The following RAD51B variants were observed in gnomAD, a reference collection of about 807,000 sequenced individuals.
The protein encoded by RAD51B is RAD51 paralog B.
RAD51B carries 38 observed loss-of-function variants against 42.2 expected under a neutral mutation model. The ratio of observed to expected loss-of-function variants is 0.90; its 90% CI spans 0.70 to 1.18. The LOEUF (loss-of-function observed/expected upper bound fraction) is 1.18. RAD51B is among the 50% of genes most tolerant of loss of function. The pLI, the probability that RAD51B is intolerant of heterozygous loss-of-function variation, is 0.00. For missense variants in RAD51B, 373 were observed against 400.7 expected (o/e 0.93, Z 0.59); for synonymous variants, 154 against 145.2 (o/e 1.06, Z -0.43).
At chr14:68,615,788 T>G (rs2140111836), downstream of RAD51B, among the ~76,000 whole-genome samples, 1 of 152,358 alleles carries the variant, frequency 6.6e-6, no homozygotes, top group South Asian at 2.1e-4. Flanking sequence ...TTTTTCATTC[T>G]TTTACTTTTA....
chr14:68,082,472 G>GAT (rs35806526), intron 7 of RAD51B, among the ~76,000 whole-genome samples: 38,498 of 149,216 alleles, frequency 0.26, 6,280 homozygotes, highest in African/African-American at 0.47. Context: ...ATAGGAGAAA[G>GAT]ATATATATAT....
At chr14:68,524,613 CTGAGT>C (rs1355043124) in intron 10 of RAD51B, among the ~76,000 whole-genome samples, 2 of 152,318 alleles carry the variant, frequency 1.3e-5, no homozygotes, top group South Asian at 2.1e-4. Flanking sequence ...GATTTTAGAA[CTGAGT>C]TAACTCACGT....
chr14:68,499,875 T>C (rs1052185601), intron 10 of RAD51B, among the ~76,000 whole-genome samples: 1 of 152,190 alleles, frequency 6.6e-6, no homozygotes, highest in African/African-American at 2.4e-5. Context: ...GCCAGGACTA[T>C]AGAGAATACA....
chr14:67,969,569 G>A (rs2074856793), intron 7 of RAD51B, among the ~76,000 whole-genome samples: 1 of 152,072 alleles, frequency 6.6e-6, no homozygotes, highest in African/African-American at 2.4e-5. Context: ...TAAGATGAGG[G>A]CATTAGGTGA....
Position 67,961,712 on chromosome 14 carries a change from TTTCTC to T in RAD51B, c.756+74509_756+74513del, listed in dbSNP as rs1446600342. Among the ~76,000 whole-genome samples, 4 of 152,320 alleles carry T rather than the reference TTTCTC, an allele frequency of 2.6e-5. No homozygotes were observed. The East Asian group carries it at 7.7e-4, about 29-fold the overall frequency. On this transcript the variant is annotated intron_variant, in intron 7 of 10. Transcript: ENST00000471583. ...TTAGACAAATCATTTCATCTCTTCT[TTTCTC>T]AGTATTTTTTTTTCTGGAAATCTAC...
At chr14:68,111,910 G>A (rs1480720706) in intron 7 of RAD51B, among the ~76,000 whole-genome samples, 1 of 152,072 alleles carries the variant, frequency 6.6e-6, no homozygotes, top group Non-Finnish European at 1.5e-5. Flanking sequence ...CTTGTGCGAT[G>A]TTCCTCTCTG....
chr14:68,398,919 A>G (rs889838545), intron 8 of RAD51B, among the ~76,000 whole-genome samples: 1 of 152,210 alleles, frequency 6.6e-6, no homozygotes. Context: ...GTTAGCATAT[A>G]TTAGGATCAT....
rs764878768 is a variant in RAD51B, at chr14:67,887,082, G to C, written c.634G>C (p.Val212Leu). Residue 212 changes from valine to leucine, a missense_variant, in exon 7 of 11, where the codon GTT becomes CTT. Coordinates refer to ENST00000471583, the MANE Select transcript of RAD51B (RefSeq NM_133510.4). ...KGIKLVILDS[V>L]ASVVRKEFDA... ...AATTAAACTTGTGATTCTTGACTCTGTTGCTTCTGTGGTCAGAAAGGAGTT... is the reference window on the plus strand; with the variant it reads ...AATTAAACTTGTGATTCTTGACTCTCTTGCTTCTGTGGTCAGAAAGGAGTT... 2.5e-6 allele frequency: 4 copies of C among 1,581,574 alleles called. No individual in the cohort carries two copies. The highest frequency in any genetic ancestry group is 2.6e-6 in the Non-Finnish European group (3 of 1,153,448).
intron 8 of RAD51B, among the ~76,000 whole-genome samples, chr14:68,294,298 AT>A (rs3837658): frequency 0.72 from 109,152 of 151,648 alleles, 39,402 homozygotes; most frequent in African/African-American, 0.76. Flanking sequence ...ATTTTTCTAG[AT>A]TTTTTTTTTG....
chr14:68,066,381 A>G (rs2076650409), intron 7 of RAD51B, among the ~76,000 whole-genome samples: 1 of 152,158 alleles, frequency 6.6e-6, no homozygotes, highest in Non-Finnish European at 1.5e-5. Flanking sequence ...TTTTTCCTCT[A>G]AAGTCCATGT....
intron 10 of RAD51B, among the ~76,000 whole-genome samples, chr14:68,544,866 A>T (rs952523573): frequency 2.0e-5 from 3 of 152,164 alleles, no homozygotes; most frequent in Non-Finnish European, 2.9e-5. Flanking sequence ...CCTTCCTCCC[A>T]TCCTGCCAAA....
intron 9 of RAD51B, among the ~76,000 whole-genome samples, chr14:68,428,480 C>T (rs1242506592): frequency 1.3e-5 from 2 of 151,814 alleles, no homozygotes; most frequent in African/African-American, 2.4e-5. Flanking sequence ...GGAACTTATT[C>T]GCATTGCATA....
At chr14:68,670,700 T>A (rs773979106) in intron 11 of RAD51B, among the ~76,000 whole-genome samples, 7 of 152,206 alleles carry the variant, frequency 4.6e-5, no homozygotes, top group Non-Finnish European at 7.3e-5. Flanking sequence ...GTCCATCCAC[T>A]CTCATCTTCC....
chr14:68,006,472 A>G (rs2075593871), intron 7 of RAD51B, among the ~76,000 whole-genome samples: 1 of 152,144 alleles, frequency 6.6e-6, no homozygotes, highest in South Asian at 2.1e-4. Context: ...CAATTATTCT[A>G]GAAAATTATT....
intron 9 of RAD51B, among the ~76,000 whole-genome samples, chr14:68,439,395 C>A (rs1190282749): frequency 2.0e-5 from 3 of 152,162 alleles, no homozygotes; most frequent in Admixed American, 2.0e-4. Flanking sequence ...GACTCATTGT[C>A]CCCTATTTTC....
At chr14:68,121,899 AT>A (rs2077658351) in intron 7 of RAD51B, among the ~76,000 whole-genome samples, 1 of 152,016 alleles carries the variant, frequency 6.6e-6, no homozygotes, top group East Asian at 1.9e-4. Flanking sequence ...ATGGAAAAAA[AT>A]GGGACATCCA....
intron 11 of RAD51B, among the ~76,000 whole-genome samples, chr14:68,660,596 C>G (rs1400800592): frequency 6.6e-6 from 1 of 152,156 alleles, no homozygotes; most frequent in East Asian, 1.9e-4. Context: ...CCAGAGCATG[C>G]GGCAACAGAC....
chr14:68,378,789 A>G (rs1457502846), intron 8 of RAD51B, among the ~76,000 whole-genome samples: 1 of 151,992 alleles, frequency 6.6e-6, no homozygotes, highest in Non-Finnish European at 1.5e-5. Flanking sequence ...TGATCTCAAG[A>G]TTGAATACTC....
chr14:68,357,937 C>T (rs1036385891), intron 8 of RAD51B, among the ~76,000 whole-genome samples: 1 of 152,152 alleles, frequency 6.6e-6, no homozygotes, highest in Non-Finnish European at 1.5e-5. Context: ...TTCACTTGAA[C>T]ACTTAGAGGC....
Sources: allele counts gnomAD v4.1 joint callset (sites outside exome capture counted in the v4.1 genomes callset), GRCh38; gene constraint gnomAD v4.1.1; transcripts MANE v1.5; gene names NCBI Gene and HGNC (gene_info 2026-07-23, HGNC 2026-07-21).